The following SEL1L3 variants were observed in gnomAD, a reference collection of about 807,000 sequenced individuals.
The protein encoded by SEL1L3 is SEL1L family member 3.
SEL1L3 carries 76 observed loss-of-function variants against 142.8 expected under a neutral mutation model. The observed-to-expected ratio is 0.53, with a 90% CI of 0.44 to 0.64. The LOEUF is 0.64. Among genes scored for constraint, SEL1L3 ranks in the 30% least tolerant of loss-of-function variants. SEL1L3 has a pLI of 0.00. For missense variants in SEL1L3, 1,262 were observed against 1,381.7 expected, an observed-to-expected ratio of 0.91 and a Z score of 1.37; for synonymous variants, 504 against 519.6, an observed-to-expected ratio of 0.97 and a Z score of 0.41.
chr4:25,754,036 C>T (rs1438704515), intron 23 of SEL1L3, among the ~76,000 whole-genome samples: 4 of 151,122 alleles, frequency 2.6e-5, no homozygotes, highest in Non-Finnish European at 5.9e-5. Context: ...GTTGCAGTGG[C>T]TCACACCTGT....
intron 7 of SEL1L3, among the ~76,000 whole-genome samples, chr4:25,820,443 A>G (rs902729599): frequency 1.7e-4 from 26 of 152,158 alleles, no homozygotes; most frequent in African/African-American, 6.3e-4. Context: ...AGCACTCCCA[A>G]ACACATCTGA....
chr4:25,839,384 A>G (rs935484541), intron 2 of SEL1L3, among the ~76,000 whole-genome samples: 1 of 152,210 alleles, frequency 6.6e-6, no homozygotes, highest in Non-Finnish European at 1.5e-5. Flanking sequence ...GTGCACAGAG[A>G]TACATGTACA....
intron 9 of SEL1L3, among the ~76,000 whole-genome samples, chr4:25,815,708 C>G (rs1364491427): frequency 6.6e-6 from 1 of 151,962 alleles, no homozygotes. Flanking sequence ...TTCGTCACCT[C>G]CAGACAACCA....
chr4:25,730,818 C>T, the SEL1L3 span, among the ~76,000 whole-genome samples: 1 of 152,136 alleles, frequency 6.6e-6, no homozygotes, highest in Admixed American at 6.5e-5. Context: ...CACCTGAGGT[C>T]AGGAGTTCAA....
rs182829973 is a variant in SEL1L3, at chr4:25,752,049, C to T, written c.3260-3485G>A. Among the ~76,000 whole-genome samples the T allele has an allele frequency of 1.5e-3, 219 of 141,824 alleles. 1 individual carries two copies. Among genetic ancestry groups the T allele is most frequent in the Non-Finnish European group, 2.5e-3 (166 of 66,792 alleles). 93.0% of individuals were successfully genotyped at this position (141,824 alleles called of 152,430 possible). A position where few individuals can be genotyped will look rare whatever the true frequency, so the allele number is the denominator to read the frequency against. On this transcript the variant is annotated intron_variant, in intron 23 of 23. Transcript: ENST00000399878. ...GCTTGAACCCGGGAGGCGGAGGTTGCAGTGAGCCGAGATCATGCTACTGCA... is the reference window on the plus strand; with the variant it reads ...GCTTGAACCCGGGAGGCGGAGGTTGTAGTGAGCCGAGATCATGCTACTGCA...
the SEL1L3 span, among the ~76,000 whole-genome samples, chr4:25,721,589 A>G: frequency 6.6e-6 from 1 of 152,196 alleles, no homozygotes. Context: ...CAAAAATTCT[A>G]TTGGGGAGAC....
In SEL1L3 at chr4:25,765,450, G is replaced by A; in HGVS notation, c.2846-15C>T. On this transcript the variant is annotated splice_polypyrimidine_tract_variant and intron_variant, in intron 19 of 23. Coordinates refer to ENST00000399878, the MANE Select transcript of SEL1L3 (RefSeq NM_015187.5). ...CTTCAAATATGCTGCAGGAAATAAA[G>A]CACAGATCCATTTGTCAAGTGGTTT... 6.5e-7 allele frequency: 1 copy of A among 1,528,972 alleles called. No homozygotes were observed. The highest frequency in any genetic ancestry group is 9.1e-7 in the Non-Finnish European group (1 of 1,103,570). The allele number at this position is 1,528,972 out of a possible 1,614,324, so 94.7% of individuals were successfully genotyped here.
chr4:25,847,994 G>A lies in SEL1L3; in HGVS notation c.163-130C>T, dbSNP rs1716650616. On this transcript the variant is annotated intron_variant, in intron 1 of 23. Coordinates refer to ENST00000399878, the MANE Select transcript of SEL1L3 (RefSeq NM_015187.5). ...CATAAAGCAATGAATGAATGCGGGA[G>A]ATAAAAGATGTCAAAACCACTACTG... 7 of 640,704 alleles carry A rather than the reference G, an allele frequency of 1.1e-5. No individual in the cohort carries two copies. In the East Asian group the frequency reaches 2.0e-4, roughly 18 times the overall value. The allele number at this position is 640,704 out of a possible 1,614,324, so 39.7% of individuals were successfully genotyped here. A position where few individuals can be genotyped will look rare whatever the true frequency, so the allele number is the denominator to read the frequency against.
At chr4:25,791,349 G>T (rs566526332) in intron 11 of SEL1L3, among the ~76,000 whole-genome samples, 2 of 152,342 alleles carry the variant, frequency 1.3e-5, no homozygotes, top group East Asian at 3.9e-4. Context: ...CAAAGGGAAA[G>T]TTCACAAAAT....
intron 5 of SEL1L3, 93 bp from the exon 6 acceptor site, chr4:25,830,249 GGA>G: frequency 2.6e-6 from 2 of 781,206 alleles, no homozygotes. Flanking sequence ...GATATGTGTT[GGA>G]GAGTCTTTTA....
chr4:25,772,250 A>C (rs1353060195), intron 17 of SEL1L3, among the ~76,000 whole-genome samples: 7 of 152,224 alleles, frequency 4.6e-5, no homozygotes, highest in Admixed American at 4.6e-4. Context: ...TCCTCATTGT[A>C]ATAGATACAA....
rs181981639 is a variant in SEL1L3 at position 25,838,542 on chromosome 4, C to T, written c.734-3219G>A. 5.3e-5 allele frequency among the ~76,000 whole-genome samples: 8 copies of T among 152,298 alleles called. No individual in the cohort carries two copies. The East Asian group carries it at 9.6e-4, about 18-fold the overall frequency. On this transcript the variant is annotated intron_variant, in intron 2 of 23. Transcript: ENST00000399878. ...TCACAAGTCCTCCCAGAGAGAACCT[C>T]GGCTGATATTCAGTGGGCATGACCT...
chr4:25,779,123 G>A lies in SEL1L3; in HGVS notation c.2538C>T (p.Ile846=), dbSNP rs1719831487. 1 of 1,613,448 alleles carries A rather than the reference G, an allele frequency of 6.2e-7. No individual in the cohort carries two copies. Among genetic ancestry groups the A allele is most frequent in the African/African-American group, 1.3e-5 (1 of 74,900 alleles). ...TAGGGAATGTCTCCAGGTTGCCTGTGATATAGTAGAGAGAACACCACAAGG... is the reference window on the plus strand; with the variant it reads ...TAGGGAATGTCTCCAGGTTGCCTGTAATATAGTAGAGAGAACACCACAAGG... ...EGTLWCSLYY[I]TGNLETFPRD... is the part of the protein sequence containing the mutation. Residue 846 remains isoleucine (I), a synonymous_variant, in exon 16 of 24, where the codon ATC becomes ATT. Transcript: ENST00000399878.
At chr4:25,795,117 A>G (rs1712630628) in intron 11 of SEL1L3, among the ~76,000 whole-genome samples, 1 of 152,202 alleles carries the variant, frequency 6.6e-6, no homozygotes, top group African/African-American at 2.4e-5. Context: ...TAATACTTAG[A>G]TGATGAGTTG....
downstream of SEL1L3, among the ~76,000 whole-genome samples, chr4:25,743,484 A>G (rs1022227425): frequency 6.6e-6 from 1 of 152,186 alleles, no homozygotes; most frequent in Non-Finnish European, 1.5e-5. Context: ...TCGTGACGAC[A>G]TGTGCCCAAG....
At chr4:25,785,785 G>A (rs922483135) in intron 13 of SEL1L3, among the ~76,000 whole-genome samples, 1 of 152,106 alleles carries the variant, frequency 6.6e-6, no homozygotes, top group Admixed American at 6.6e-5. Context: ...ATCACTGAAC[G>A]TTAGCGCCTG....
At chr4:25,828,294 AT>A (rs59808145) in intron 6 of SEL1L3, among the ~76,000 whole-genome samples, 4,526 of 151,772 alleles carry the variant, frequency 0.03, 224 homozygotes, top group African/African-American at 0.1. Flanking sequence ...GAAAACAGGA[AT>A]TTTTTTTTAA....
At chr4:25,722,094 C>T in the SEL1L3 span, among the ~76,000 whole-genome samples, 1 of 152,074 alleles carries the variant, frequency 6.6e-6, no homozygotes, top group South Asian at 2.1e-4. Flanking sequence ...AGTGGTTAGA[C>T]TCAGGGCCTT....
chr4:25,758,928 G>C lies in SEL1L3; in HGVS notation c.3083+13C>G, dbSNP rs1379066312. The C allele has an allele frequency of 6.2e-7, 1 of 1,612,052 alleles. No individual in the cohort carries two copies. Among genetic ancestry groups the C allele is most frequent in the South Asian group, 1.1e-5 (1 of 90,522 alleles). On this transcript the variant is annotated intron_variant, in intron 21 of 23. Transcript: ENST00000399878. ...TCCCTCAGATTCCACAGTTCTAGAGGCTCTGAGCTCACCTTTCGTACAGTT... is the reference window on the plus strand; with the variant it reads ...TCCCTCAGATTCCACAGTTCTAGAGCCTCTGAGCTCACCTTTCGTACAGTT...
Sources: gnomAD v4.1 joint callset for allele counts (sites outside exome capture counted in the v4.1 genomes callset) on GRCh38, gnomAD v4.1.1 for gene constraint, MANE v1.5 for transcripts, NCBI Gene and HGNC (gene_info 2026-07-23, HGNC 2026-07-21) for gene names.